NEGR1: variants seen among roughly 807,000 people sequenced by gnomAD.
NEGR1 encodes IgLON family member 4.
NEGR1 carries 10 observed loss-of-function variants against 40.9 expected under a neutral mutation model. The observed-to-expected ratio is 0.24, with a 90% CI of 0.15 to 0.42. The LOEUF (loss-of-function observed/expected upper bound fraction) is 0.42, where lower values mean the gene tolerates loss of function less well. NEGR1 is among the 10% of genes least tolerant of loss of function. The pLI is 1.00. For missense variants in NEGR1, 352 were observed against 438.9 expected, an observed-to-expected ratio of 0.80 and a Z score of 1.77; for synonymous variants, 185 against 166.8, an observed-to-expected ratio of 1.11 and a Z score of -0.84.
intron 1 of NEGR1, among the ~76,000 whole-genome samples, chr1:72,035,640 T>C (rs1029657200): frequency 3.3e-5 from 5 of 152,074 alleles, no homozygotes; most frequent in Non-Finnish European, 5.9e-5. Flanking sequence ...AGTGGTACCT[T>C]TGGGTGAAGC....
chr1:72,206,771 A>T (rs1192134591), intron 1 of NEGR1, among the ~76,000 whole-genome samples: 1 of 152,044 alleles, frequency 6.6e-6, no homozygotes, highest in Non-Finnish European at 1.5e-5. Flanking sequence ...ATAAAGGTGA[A>T]CTCTAAAATA....
intron 4 of NEGR1, among the ~76,000 whole-genome samples, chr1:71,646,130 G>C (rs889307212): frequency 1.3e-5 from 2 of 151,550 alleles, no homozygotes; most frequent in Non-Finnish European, 3.0e-5. Flanking sequence ...GCTTGTGTAT[G>C]TATACATATA....
intron 1 of NEGR1, among the ~76,000 whole-genome samples, chr1:71,940,960 T>C (rs1207004480): frequency 6.6e-6 from 1 of 152,184 alleles, no homozygotes; most frequent in Non-Finnish European, 1.5e-5. Flanking sequence ...TTTATTCAGC[T>C]GTATGGAGAA....
chr1:71,442,642 A>G (rs1375252569), intron 6 of NEGR1, among the ~76,000 whole-genome samples: 1 of 152,154 alleles, frequency 6.6e-6, no homozygotes, highest in Non-Finnish European at 1.5e-5. Context: ...TAAATTAATG[A>G]ATTAATTAAT....
chr1:71,709,937 T>C (rs1427832626), intron 3 of NEGR1, among the ~76,000 whole-genome samples: 2 of 152,130 alleles, frequency 1.3e-5, no homozygotes, highest in Admixed American at 6.5e-5. Context: ...ATACAGTCTA[T>C]GAGTTGAAGA....
At chr1:72,008,998 CAA>C (rs75786445) in intron 1 of NEGR1, among the ~76,000 whole-genome samples, 13 of 126,016 alleles carry the variant, frequency 1.0e-4, no homozygotes, top group Admixed American at 8.1e-5. Flanking sequence ...TCTCATCAGT[CAA>C]AAAAAAAAAA....
At chr1:71,711,025 CA>C (rs1035321480) in intron 3 of NEGR1, among the ~76,000 whole-genome samples, 1 of 151,544 alleles carries the variant, frequency 6.6e-6, no homozygotes, top group South Asian at 2.1e-4. Context: ...TATTTACCCA[CA>C]AAAAAAGTTA....
intron 2 of NEGR1, among the ~76,000 whole-genome samples, chr1:71,780,040 C>CAAAAAAAAAAAAAAAAAAAAAAA (rs57576840): frequency 3.0e-5 from 3 of 99,734 alleles, no homozygotes; most frequent in African/African-American, 4.7e-5. Context: ...ATAGGAAAAC[C>CAAAAAAAAAAAAAAAAAAAAAAA]AAAAAAAAAA....
intron 6 of NEGR1, among the ~76,000 whole-genome samples, chr1:71,431,098 T>C (rs1646465321): frequency 7.0e-6 from 1 of 143,792 alleles, no homozygotes; most frequent in Non-Finnish European, 1.5e-5. Context: ...TTTTTTATGA[T>C]CATAAAAAAG....
At chr1:71,810,759 C>T (rs568626710) in intron 2 of NEGR1, among the ~76,000 whole-genome samples, 7 of 152,016 alleles carry the variant, frequency 4.6e-5, no homozygotes, top group Non-Finnish European at 8.8e-5. Context: ...CTCTCTTCCT[C>T]CTGCTCCAGC....
At chr1:72,067,151 A>T (rs559741943) in intron 1 of NEGR1, among the ~76,000 whole-genome samples, 33 of 152,250 alleles carry the variant, frequency 2.2e-4, no homozygotes, top group African/African-American at 7.7e-4. Context: ...CATGGAAAAG[A>T]TCGATTTGAT....
intron 1 of NEGR1, among the ~76,000 whole-genome samples, chr1:72,047,398 A>G (rs1448618620): frequency 1.3e-5 from 2 of 151,550 alleles, no homozygotes; most frequent in Non-Finnish European, 3.0e-5. Context: ...ACTATGCTAG[A>G]CGATCCTATT....
At chr1:71,503,727 C>T (rs1647013762) in intron 6 of NEGR1, among the ~76,000 whole-genome samples, 1 of 151,910 alleles carries the variant, frequency 6.6e-6, no homozygotes, top group Non-Finnish European at 1.5e-5. Context: ...CCTAGAAGAT[C>T]CCCTCAGTTT....
chr1:71,440,219 T>C (rs181394009), intron 6 of NEGR1, among the ~76,000 whole-genome samples: 1 of 152,298 alleles, frequency 6.6e-6, no homozygotes, highest in Admixed American at 6.5e-5. Context: ...ATTTTGTTAG[T>C]GATGAACACT....
intron 1 of NEGR1, among the ~76,000 whole-genome samples, chr1:72,165,201 T>A (rs1651723830): frequency 6.6e-6 from 1 of 152,046 alleles, no homozygotes; most frequent in African/African-American, 2.4e-5. Context: ...CTCTGTTACA[T>A]GAAATATAGC....
intron 1 of NEGR1, among the ~76,000 whole-genome samples, chr1:71,976,821 A>G (rs1183925293): frequency 6.6e-6 from 1 of 152,184 alleles, no homozygotes; most frequent in Non-Finnish European, 1.5e-5. Flanking sequence ...CAACAAGAAA[A>G]AAACAGTGTA....
chr1:71,689,343 G>A (rs1653174699), intron 4 of NEGR1, among the ~76,000 whole-genome samples: 2 of 152,132 alleles, frequency 1.3e-5, no homozygotes, highest in Admixed American at 6.6e-5. Flanking sequence ...ACATCAGAAT[G>A]TCAGGAGTAG....
intron 1 of NEGR1, among the ~76,000 whole-genome samples, chr1:72,107,041 G>C (rs2630393): frequency 0.96 from 146,445 of 151,794 alleles, 70,721 homozygotes; most frequent in East Asian, 1. Context: ...AATTTCCCTT[G>C]TTATTAGGTC....
chr1:71,620,859 C>T (rs1048461921), intron 4 of NEGR1, among the ~76,000 whole-genome samples: 2 of 151,906 alleles, frequency 1.3e-5, no homozygotes, highest in Non-Finnish European at 2.9e-5. Flanking sequence ...ACAAACGTAG[C>T]TCTAACATTT....
Sources: gnomAD v4.1 joint callset for allele counts (sites outside exome capture counted in the v4.1 genomes callset) on GRCh38, gnomAD v4.1.1 for gene constraint, MANE v1.5 for transcripts, NCBI Gene and HGNC (gene_info 2026-07-23, HGNC 2026-07-21) for gene names.